SUGCT: variants seen among roughly 807,000 people sequenced by gnomAD.
SUGCT encodes the protein succinyl-CoA:glutarate-CoA transferase.
In SUGCT, 41 loss-of-function variants were observed where a neutral mutation model predicts 55.0. That is an observed-to-expected ratio of 0.74 (90% CI 0.58 to 0.97). The LOEUF is 0.97. SUGCT is among the 50% of genes least tolerant of loss of function. The pLI is 0.00. For missense variants in SUGCT, 568 were observed against 547.8 expected, an observed-to-expected ratio of 1.04 and a Z score of -0.37; for synonymous variants, 187 against 200.4, an observed-to-expected ratio of 0.93 and a Z score of 0.56.
chr7:40,202,220 G>T (rs1786651428), intron 6 of SUGCT, among the ~76,000 whole-genome samples: 1 of 152,132 alleles, frequency 6.6e-6, no homozygotes, highest in Non-Finnish European at 1.5e-5. Context: ...TGATCTTCCT[G>T]CATCGGCCTC....
intron 13 of SUGCT, among the ~76,000 whole-genome samples, chr7:40,772,534 C>CTGG (rs1480736640): frequency 1.3e-5 from 2 of 151,092 alleles, no homozygotes; most frequent in African/African-American, 4.9e-5. Context: ...ATCTATCTAT[C>CTGG]TATCTATCTA....
intron 9 of SUGCT, among the ~76,000 whole-genome samples, chr7:40,354,316 G>A (rs573864397): frequency 3.8e-4 from 58 of 152,292 alleles, no homozygotes; most frequent in African/African-American, 1.3e-3. Flanking sequence ...AGAGGGCAAA[G>A]GAGGGATGGA....
intron 9 of SUGCT, among the ~76,000 whole-genome samples, chr7:40,429,963 G>A (rs950138936): frequency 1.3e-5 from 2 of 152,126 alleles, no homozygotes; most frequent in African/African-American, 4.8e-5. Context: ...CACTTAGCAT[G>A]ATATCCTCCA....
chr7:40,809,150 C>T (rs544991621), intron 13 of SUGCT, among the ~76,000 whole-genome samples: 18 of 152,258 alleles, frequency 1.2e-4, no homozygotes, highest in African/African-American at 4.1e-4. Context: ...GACTCAAATG[C>T]AGCAGAGCCT....
At chr7:40,351,963 TG>T (rs1408553739) in intron 9 of SUGCT, among the ~76,000 whole-genome samples, 21 of 152,238 alleles carry the variant, frequency 1.4e-4, no homozygotes, top group Non-Finnish European at 4.4e-5. Flanking sequence ...AATATTTAAT[TG>T]TTCTTTGGTG....
At chr7:40,185,590 T>C (rs934379500) in intron 3 of SUGCT, among the ~76,000 whole-genome samples, 2 of 152,194 alleles carry the variant, frequency 1.3e-5, no homozygotes, top group Non-Finnish European at 2.9e-5. Context: ...TGGCACGATC[T>C]CGGCTCACTG....
chr7:40,725,788 C>A (rs1344974446), intron 12 of SUGCT, among the ~76,000 whole-genome samples: 1 of 152,114 alleles, frequency 6.6e-6, no homozygotes, highest in African/African-American at 2.4e-5. Context: ...AAATCCTAGA[C>A]TCTTTTCATG....
intron 13 of SUGCT, among the ~76,000 whole-genome samples, chr7:40,799,092 C>T (rs1286424807): frequency 1.3e-5 from 2 of 152,120 alleles, no homozygotes; most frequent in African/African-American, 2.4e-5. Context: ...ACAGGATGGA[C>T]TCTGGGCCCA....
intron 8 of SUGCT, among the ~76,000 whole-genome samples, chr7:40,291,347 C>G (rs1793741845): frequency 6.6e-6 from 1 of 150,986 alleles, no homozygotes; most frequent in Admixed American, 6.6e-5. Flanking sequence ...GAGTTCATGT[C>G]CTTTGCAGGG....
At chr7:40,910,923 G>A in the SUGCT span, among the ~76,000 whole-genome samples, 19 of 152,304 alleles carry the variant, frequency 1.2e-4, no homozygotes, top group African/African-American at 4.3e-4. Context: ...TGATTGGTTT[G>A]TTAGTAGTAA....
At chr7:40,398,851 C>A (rs555683080) in intron 9 of SUGCT, among the ~76,000 whole-genome samples, 1 of 152,034 alleles carries the variant, frequency 6.6e-6, no homozygotes, top group Admixed American at 6.5e-5. Context: ...AGAAGGATGA[C>A]CTTGGGGCAT....
intron 12 of SUGCT, among the ~76,000 whole-genome samples, chr7:40,534,900 TG>T (rs1409390162): frequency 6.6e-6 from 1 of 152,148 alleles, no homozygotes; most frequent in Non-Finnish European, 1.5e-5. Flanking sequence ...TGGTGACAGG[TG>T]ATCACAAAGA....
At chr7:40,800,207 A>G (rs560718931) in intron 13 of SUGCT, among the ~76,000 whole-genome samples, 1 of 150,550 alleles carries the variant, frequency 6.6e-6, no homozygotes, top group African/African-American at 2.4e-5. Context: ...CATGCCTTGG[A>G]TGATGGGTGT....
intron 3 of SUGCT, among the ~76,000 whole-genome samples, chr7:40,187,797 G>T (rs984724754): frequency 4.6e-5 from 7 of 152,124 alleles, no homozygotes; most frequent in African/African-American, 1.7e-4. Context: ...GTCGGGCATG[G>T]TGGTGCACGC....
intron 9 of SUGCT, among the ~76,000 whole-genome samples, chr7:40,320,187 A>G (rs1457363753): frequency 1.3e-5 from 2 of 151,638 alleles, no homozygotes; most frequent in African/African-American, 2.4e-5. Context: ...GCTTACTGCA[A>G]CCTCCACCTC....
chr7:40,204,748 A>G (rs1191815779), intron 6 of SUGCT, among the ~76,000 whole-genome samples: 4 of 151,600 alleles, frequency 2.6e-5, no homozygotes, highest in Admixed American at 1.3e-4. Context: ...TGACATAGTG[A>G]GACCTCGTCT....
intron 1 of SUGCT, among the ~76,000 whole-genome samples, chr7:40,160,419 G>A (rs2150641005): frequency 6.6e-6 from 1 of 152,062 alleles, no homozygotes; most frequent in Non-Finnish European, 1.5e-5. Flanking sequence ...AGTAGAGACG[G>A]AGTTTCACCA....
At chr7:40,172,397 C>T (rs1784719917) in intron 1 of SUGCT, among the ~76,000 whole-genome samples, 2 of 152,160 alleles carry the variant, frequency 1.3e-5, no homozygotes, top group Non-Finnish European at 2.9e-5. Context: ...AGGGACAAGA[C>T]TCCCTGGGTT....
chr7:40,691,252 C>T (rs927320248), intron 12 of SUGCT, among the ~76,000 whole-genome samples: 4 of 152,002 alleles, frequency 2.6e-5, no homozygotes, highest in African/African-American at 4.8e-5. Flanking sequence ...TACGAACCTA[C>T]AGTGTATATG....
Sources: gnomAD v4.1 joint callset for allele counts (sites outside exome capture counted in the v4.1 genomes callset) on GRCh38, gnomAD v4.1.1 for gene constraint, MANE v1.5 for transcripts, NCBI Gene and HGNC (gene_info 2026-07-23, HGNC 2026-07-21) for gene names.